The following KATNAL2 variants were observed in gnomAD, a reference collection of about 807,000 sequenced individuals.
KATNAL2 encodes katanin p60 ATPase-containing subunit A-like 2.
A neutral mutation model predicts 76.3 loss-of-function variants in KATNAL2; 52 were observed. The observed-to-expected ratio is 0.68, with a 90% CI of 0.55 to 0.86. The LOEUF (loss-of-function observed/expected upper bound fraction) is 0.86, where lower values mean the gene tolerates loss of function less well. KATNAL2 is among the 40% of genes least tolerant of loss of function. The pLI, the probability that KATNAL2 is intolerant of heterozygous loss-of-function variation, is 0.00. For synonymous variants in KATNAL2, 243 were observed against 244.2 expected (o/e 1.00, Z 0.05); for missense variants, 660 against 668.9 (o/e 0.99, Z 0.15).
rs141106371 is a variant in KATNAL2 at position 46,938,773 on chromosome 18, C to T, written c.-509-7284C>T. Among the ~76,000 whole-genome samples the T allele has an allele frequency of 3.2e-4, 48 of 152,236 alleles. No individual in the cohort carries two copies. In the East Asian group the frequency reaches 7.2e-3, roughly 23 times the overall value. ...AAGAATCAAATGCCTTATCACATTC[C>T]GCAGTCCCTTGTTTCAACTCCCTTT... On this transcript the variant is annotated intron_variant, in intron 1 of 17. Transcript: ENST00000683218.
chr18:47,066,921 T>A, intron 10 of KATNAL2, 100 bp from the exon 11 acceptor site: 2 of 272,324 alleles, frequency 7.3e-6, no homozygotes, highest in Non-Finnish European at 7.0e-6. Flanking sequence ...CACCAGCACT[T>A]TATATCCTAT....
chr18:47,031,236 C>T (rs2060406853), intron 3 of KATNAL2, among the ~76,000 whole-genome samples: 1 of 151,392 alleles, frequency 6.6e-6, no homozygotes. Flanking sequence ...GAAAGGCTTG[C>T]TCTGGTCTGC....
intron 1 of KATNAL2, among the ~76,000 whole-genome samples, chr18:46,940,073 C>T (rs2059203859): frequency 6.6e-6 from 1 of 152,174 alleles, no homozygotes; most frequent in South Asian, 2.1e-4. Flanking sequence ...ATTACTGTTC[C>T]CATTTTGCAT....
chr18:47,073,843 G>A (rs2062092929), intron 13 of KATNAL2, among the ~76,000 whole-genome samples: 1 of 152,190 alleles, frequency 6.6e-6, no homozygotes, highest in Admixed American at 6.5e-5. Context: ...CCATGATTCT[G>A]TATATTCCCT....
intron 3 of KATNAL2, among the ~76,000 whole-genome samples, chr18:47,044,077 T>C (rs1170836459): frequency 6.6e-6 from 1 of 152,168 alleles, no homozygotes; most frequent in Admixed American, 6.5e-5. Context: ...AAGAAACAGC[T>C]AAAATAATTA....
rs2063433244 is a variant in KATNAL2 at position 47,101,166 on chromosome 18, T to C, written c.*161T>C. 1.4e-6 allele frequency: 1 copy of C among 739,940 alleles called. No individual in the cohort carries two copies. Among genetic ancestry groups the C allele is most frequent in the African/African-American group, 1.8e-5 (1 of 56,434 alleles). The allele number at this position is 739,940 out of a possible 1,614,324, so 45.8% of individuals were successfully genotyped here. ...TATTGTTTTGGATAGCTGAGATATA[T>C]TTATTAACTTACCATTATCGATGTC... On this transcript the variant is annotated 3_prime_UTR_variant, in exon 18 of 18. Coordinates refer to ENST00000683218, the MANE Select transcript of KATNAL2 (RefSeq NM_001387690.1).
intron 16 of KATNAL2, 71 bp downstream of exon 16, chr18:47,099,476 T>C (rs143441170): frequency 2.6e-5 from 37 of 1,406,070 alleles, no homozygotes; most frequent in African/African-American, 5.7e-5. Flanking sequence ...GACCAGGTCT[T>C]ACCATGAGCT....
At chr18:47,034,034 G>T (rs2146953822) in intron 3 of KATNAL2, 1 of 1,614,156 alleles carries the variant, frequency 6.2e-7, no homozygotes, top group East Asian at 2.2e-5. Flanking sequence ...GCTTTCCTTT[G>T]TTTATCTCCA....
chr18:47,050,487 A>T (rs891718996), intron 4 of KATNAL2, among the ~76,000 whole-genome samples: 1 of 152,238 alleles, frequency 6.6e-6, no homozygotes, highest in Non-Finnish European at 1.5e-5. Flanking sequence ...GAACTGTAAA[A>T]ACAAAAAGAT....
At chr18:47,086,868 C>T (rs1009612760) in intron 15 of KATNAL2, among the ~76,000 whole-genome samples, 2 of 152,202 alleles carry the variant, frequency 1.3e-5, no homozygotes, top group Admixed American at 6.5e-5. Flanking sequence ...TTCGTTCACA[C>T]CTTACTGTTT....
chr18:47,093,582 A>G (rs1049157305), intron 15 of KATNAL2, among the ~76,000 whole-genome samples: 1 of 151,574 alleles, frequency 6.6e-6, no homozygotes, highest in African/African-American at 2.4e-5. Flanking sequence ...CCCAGGCTGG[A>G]GTGCAGTGGC....
chr18:47,073,865 G>C (rs1382387066), intron 13 of KATNAL2, among the ~76,000 whole-genome samples: 1 of 152,218 alleles, frequency 6.6e-6, no homozygotes, highest in African/African-American at 2.4e-5. Context: ...TGAGTGGAAA[G>C]AGCAATGCAG....
chr18:47,050,404 T>G (rs1026649043), intron 4 of KATNAL2, among the ~76,000 whole-genome samples: 4 of 152,216 alleles, frequency 2.6e-5, no homozygotes, highest in African/African-American at 9.6e-5. Context: ...ACGAAGACAA[T>G]GCCATTTTCA....
intron 3 of KATNAL2, among the ~76,000 whole-genome samples, chr18:47,037,198 G>T (rs143026022): frequency 1.3e-5 from 2 of 152,330 alleles, no homozygotes; most frequent in Non-Finnish European, 2.9e-5. Flanking sequence ...GTTGCATGTG[G>T]TGTATATACA....
intron 15 of KATNAL2, among the ~76,000 whole-genome samples, chr18:47,090,298 G>C (rs964456790): frequency 6.6e-6 from 1 of 151,880 alleles, no homozygotes; most frequent in Non-Finnish European, 1.5e-5. Flanking sequence ...GTAGAGACAG[G>C]GTTTCACCAT....
intron 3 of KATNAL2, chr18:47,032,720 A>T: frequency 1.8e-6 from 1 of 554,058 alleles, no homozygotes; most frequent in Non-Finnish European, 3.1e-6. Context: ...TTATGATTAC[A>T]ACTAGGGTGT....
At chr18:46,944,735 A>T (rs2059337942) in intron 1 of KATNAL2, among the ~76,000 whole-genome samples, 1 of 152,140 alleles carries the variant, frequency 6.6e-6, no homozygotes, top group African/African-American at 2.4e-5. Flanking sequence ...ACTTCGTCTC[A>T]AAATAAATAA....
chr18:46,960,505 G>C (rs560485557), intron 3 of KATNAL2, among the ~76,000 whole-genome samples: 2 of 152,076 alleles, frequency 1.3e-5, no homozygotes, highest in East Asian at 1.9e-4. Flanking sequence ...GAGTTGCTTA[G>C]AACTGGGAGG....
chr18:46,939,388 A>G (rs111526190), intron 1 of KATNAL2, among the ~76,000 whole-genome samples: 2,251 of 152,184 alleles, frequency 0.015, 24 homozygotes, highest in Non-Finnish European at 0.024. Flanking sequence ...ATTCAAAAAG[A>G]GAAGGGATGT....
Sources: allele counts gnomAD v4.1 joint callset (sites outside exome capture counted in the v4.1 genomes callset), GRCh38; gene constraint gnomAD v4.1.1; transcripts MANE v1.5; gene names NCBI Gene and HGNC (gene_info 2026-07-23, HGNC 2026-07-21).